The following SLC35G1 variants were observed in gnomAD, a reference collection of about 807,000 sequenced individuals.
SLC35G1 encodes the protein partner of STIM1.
Under a neutral mutation model 17.1 loss-of-function variants are expected in SLC35G1, and 10 were observed. The observed-to-expected ratio is 0.59, with a 90% CI of 0.36 to 0.99. SLC35G1 has a LOEUF of 0.99. Ranked by LOEUF, SLC35G1 falls within the 50% of genes least tolerant of loss-of-function variation. SLC35G1 has a pLI of 0.01. For missense variants in SLC35G1, 433 were observed against 468.4 expected (o/e 0.92, Z 0.70); for synonymous variants, 185 against 181.1 (o/e 1.02, Z -0.18).
At chr10:93,898,088 C>T (rs1296315523) in intron 1 of SLC35G1, among the ~76,000 whole-genome samples, 1 of 152,168 alleles carries the variant, frequency 6.6e-6, no homozygotes, top group Non-Finnish European at 1.5e-5. Flanking sequence ...TGGAAGAGCT[C>T]ACAGACTTGT....
In SLC35G1 at chr10:93,901,678, T is replaced by C; in HGVS notation, c.*188T>C. The stretch of plus-strand genomic sequence containing the variant: ...CTAGTCTGTTTGGTGTAACAATTTT[T>C]TGGTAGCTTTGGTTTTGGTTTTGGT... On this transcript the variant is annotated 3_prime_UTR_variant, in exon 3 of 3. Transcript: ENST00000427197. The C allele has an allele frequency of 1.6e-6, 1 of 623,166 alleles. No homozygotes were observed. Among genetic ancestry groups the C allele is most frequent in the Non-Finnish European group, 2.3e-6 (1 of 428,338 alleles). 38.6% of individuals were successfully genotyped at this position (623,166 alleles called of 1,614,324 possible).
In SLC35G1 at chr10:93,900,992, C is replaced by T. The variant is rs774674244; in HGVS notation, c.600C>T (p.Ile200=). 26 of 1,613,944 alleles carry T rather than the reference C, an allele frequency of 1.6e-5. No individual in the cohort carries two copies. Among genetic ancestry groups the T allele is most frequent in the East Asian group, 1.3e-4 (6 of 44,892 alleles). The part of the protein sequence containing the change: ...TVFTITGVIL[I]VRPPFLFGSD... ...TCACAATCACTGGAGTGATCCTTAT[C>T]GTGAGACCACCATTTTTGTTTGGTT... Residue 200 remains isoleucine (I), a synonymous_variant, in exon 3 of 3, where the codon ATC becomes ATT. Coordinates refer to ENST00000427197, the MANE Select transcript of SLC35G1 (RefSeq NM_001134658.3).
rs557642589 is a variant in SLC35G1 at position 93,903,138 on chromosome 10, G to A, written c.*1648G>A. 1 of 152,212 alleles carries A rather than the reference G, an allele frequency of 6.6e-6. No individual in the cohort carries two copies. The highest frequency in any genetic ancestry group is 2.4e-5 in the African/African-American group (1 of 41,534). 9.4% of individuals were successfully genotyped at this position (152,212 alleles called of 1,614,324 possible). A position where few individuals can be genotyped will look rare whatever the true frequency, so the allele number is the denominator to read the frequency against. On this transcript the variant is annotated 3_prime_UTR_variant, in exon 3 of 3. Coordinates refer to ENST00000427197, the MANE Select transcript of SLC35G1 (RefSeq NM_001134658.3). ...GAATCTTTTCCAATAGTTCCAATGG[G>A]GGAATTTTTGGCTTGCTGATTTTAT... is the stretch of plus-strand genomic sequence containing the variant.
At chr10:93,898,846 A>C in intron 2 of SLC35G1, 95 bp downstream of exon 2, 15 of 1,241,472 alleles carry the variant, frequency 1.2e-5, no homozygotes, top group South Asian at 1.6e-5. Flanking sequence ...TATCCATCTC[A>C]TATACTTACC....
At position 93,903,413 on chromosome 10, in the gene SLC35G1, C is replaced by T. The variant is rs2060408152; in HGVS notation, c.*1923C>T. 6.6e-6 allele frequency: 1 copy of T among 152,202 alleles called. No homozygotes were observed. Among genetic ancestry groups the T allele is most frequent in the African/African-American group, 2.4e-5 (1 of 41,442 alleles). 9.4% of individuals were successfully genotyped at this position (152,202 alleles called of 1,614,324 possible). A position where few individuals can be genotyped will look rare whatever the true frequency, so the allele number is the denominator to read the frequency against. ...AGTTGAATTTCCATGGCCTTCCTCC[C>T]TTCCTTAGTTCCATGATAAAGTATG... On this transcript the variant is annotated 3_prime_UTR_variant, in exon 3 of 3. Coordinates refer to ENST00000427197, the MANE Select transcript of SLC35G1 (RefSeq NM_001134658.3).
At chr10:93,897,553 G>A (rs750978491) in intron 1 of SLC35G1, among the ~76,000 whole-genome samples, 1 of 152,126 alleles carries the variant, frequency 6.6e-6, no homozygotes, top group Admixed American at 6.5e-5. Flanking sequence ...AATATATCCC[G>A]CAGTGTGTGA....
At chr10:93,900,651 T>C (rs2060373944) in intron 2 of SLC35G1, 101 bp from the exon 3 acceptor site, 14 of 958,310 alleles carry the variant, frequency 1.5e-5, no homozygotes, top group Non-Finnish European at 1.9e-5. Context: ...TCCCTCATTT[T>C]TTGATATTTA....
rs983039577 is a variant in SLC35G1, at chr10:93,903,808, A to C, written c.*2318A>C. On this transcript the variant is annotated 3_prime_UTR_variant, in exon 3 of 3. Coordinates refer to ENST00000427197, the MANE Select transcript of SLC35G1 (RefSeq NM_001134658.3). Reference sequence around the variant, plus strand: ...TTGTTTTTATAAGTACTAATAAAATAATATGAAAGAAAGCTATATGTTGGT... The same window carrying C: ...TTGTTTTTATAAGTACTAATAAAATCATATGAAAGAAAGCTATATGTTGGT... The C allele has an allele frequency of 1.3e-5, 2 of 152,328 alleles. No homozygotes were observed. Among genetic ancestry groups the C allele is most frequent in the Admixed American group, 6.5e-5 (1 of 15,306 alleles). The allele number at this position is 152,328 out of a possible 1,614,324, so 9.4% of individuals were successfully genotyped here.
chr10:93,902,076 A>T lies in SLC35G1; in HGVS notation c.*586A>T, dbSNP rs1176286902. The T allele has an allele frequency of 6.6e-6, 1 of 152,650 alleles. No homozygotes were observed. The highest frequency in any genetic ancestry group is 6.5e-5 in the Admixed American group (1 of 15,284). 9.5% of individuals were successfully genotyped at this position (152,650 alleles called of 1,614,324 possible). On this transcript the variant is annotated 3_prime_UTR_variant, in exon 3 of 3. Coordinates refer to ENST00000427197, the MANE Select transcript of SLC35G1 (RefSeq NM_001134658.3). The stretch of plus-strand genomic sequence containing the variant: ...AATTGGCCTTATTTTCAAGGATTTT[A>T]TAAATGATTATCATACTTGTAACTC...
chr10:93,906,544 TA>T (rs1199328946), downstream of SLC35G1, among the ~76,000 whole-genome samples: 6 of 148,088 alleles, frequency 4.1e-5, no homozygotes, highest in Middle Eastern at 3.5e-3. Flanking sequence ...TTTAAGCCAC[TA>T]AAAAAAAAAT....
At chr10:93,900,625 A>T in intron 2 of SLC35G1, 127 bp from the exon 3 acceptor site, 1 of 742,254 alleles carries the variant, frequency 1.3e-6, no homozygotes, top group Non-Finnish European at 2.0e-6. Context: ...TGTGGATATT[A>T]TAATTAATTT....
chr10:93,900,396 A>G (rs2060372176), intron 2 of SLC35G1, among the ~76,000 whole-genome samples: 1 of 152,174 alleles, frequency 6.6e-6, no homozygotes, highest in African/African-American at 2.4e-5. Context: ...GAGTTTATCT[A>G]TTAAGATATA....
chr10:93,900,881 GT>G lies in SLC35G1; in HGVS notation c.492del (p.Phe164LeufsTer34). 6.2e-7 allele frequency: 1 copy of G among 1,614,000 alleles called. No homozygotes were observed. The highest frequency in any genetic ancestry group is 8.5e-7 in the Non-Finnish European group (1 of 1,179,972). On this transcript the variant is annotated frameshift_variant, in exon 3 of 3. Coordinates refer to ENST00000427197, the MANE Select transcript of SLC35G1 (RefSeq NM_001134658.3). LOFTEE classifies it low-confidence loss of function (END_TRUNC). Reference protein sequence around the residue: ...MSLADATVITFSSPVFTSIFA... With the variant: ...MSLADATVITXSSPVFTSIFA... ...CCCTCGCTGATGCCACAGTTATCAC[GT>G]TTAGCAGTCCAGTGTTTACGTCCAT...
chr10:93,897,063 G>T (rs139942239), intron 1 of SLC35G1, among the ~76,000 whole-genome samples: 1 of 152,184 alleles, frequency 6.6e-6, no homozygotes, highest in African/African-American at 2.4e-5. Flanking sequence ...CGTGGGCTGC[G>T]TGTGTGCAGT....
downstream of SLC35G1, among the ~76,000 whole-genome samples, chr10:93,904,865 A>G (rs2060418501): frequency 6.6e-6 from 1 of 152,184 alleles, no homozygotes; most frequent in South Asian, 2.1e-4. Context: ...CCTCTTCAAA[A>G]TGAGGCGTAT....
At chr10:93,905,961 G>C (rs1183956363), downstream of SLC35G1, among the ~76,000 whole-genome samples, 2 of 152,174 alleles carry the variant, frequency 1.3e-5, no homozygotes, top group Non-Finnish European at 2.9e-5. Flanking sequence ...GAAGTACATG[G>C]AAAGGCCAGG....
chr10:93,899,808 A>G (rs1220852842), intron 2 of SLC35G1, among the ~76,000 whole-genome samples: 2 of 152,182 alleles, frequency 1.3e-5, no homozygotes, highest in Non-Finnish European at 2.9e-5. Context: ...TAACATAATC[A>G]TCTCCCCCAT....
downstream of SLC35G1, among the ~76,000 whole-genome samples, chr10:93,904,436 T>A (rs1015687310): frequency 6.6e-6 from 1 of 152,186 alleles, no homozygotes; most frequent in African/African-American, 2.4e-5. Context: ...CCGACCTGAT[T>A]TCTACATCCC....
chr10:93,894,056 G>A lies in SLC35G1; in HGVS notation c.23G>A (p.Gly8Glu). 1 of 1,481,632 alleles carries A rather than the reference G, an allele frequency of 6.7e-7. No homozygotes were observed. 91.8% of individuals were successfully genotyped at this position (1,481,632 alleles called of 1,614,324 possible). The stretch of plus-strand genomic sequence containing the variant: ...GAGATGCGGCCTCAGGACAGCACCG[G>A]GGTCGCGGAGCTCCAGGAGCCCGGG... MRPQDST[G>E]VAELQEPGLP... Residue 8 changes from glycine (G) to glutamate (E), a missense_variant, in exon 1 of 3, where the codon GGG (glycine) becomes GAG (glutamate). Physicochemically the swap from Gly to Glu is moderately conservative, Grantham distance 98. Transcript: ENST00000427197.
Sources: gnomAD v4.1 joint callset for allele counts (sites outside exome capture counted in the v4.1 genomes callset) on GRCh38, gnomAD v4.1.1 for gene constraint, MANE v1.5 for transcripts, NCBI Gene and HGNC (gene_info 2026-07-23, HGNC 2026-07-21) for gene names.